IQCJ: variants seen among roughly 807,000 people sequenced by gnomAD.
IQCJ encodes the protein IQ motif containing J, also known as IQ domain-containing protein J.
IQCJ carries 9 observed loss-of-function variants against 11.0 expected under a neutral mutation model. The ratio of observed to expected loss-of-function variants is 0.82; its 90% CI spans 0.49 to 1.43. The LOEUF (loss-of-function observed/expected upper bound fraction) is 1.43. Among genes scored for constraint, IQCJ ranks in the 40% most tolerant of loss-of-function variants. The pLI is 0.00. For synonymous variants in IQCJ, 55 were observed against 51.3 expected (o/e 1.07, Z -0.31); for missense variants, 146 against 133.2 (o/e 1.10, Z -0.47).
At chr3:159,072,750 T>G (rs975192402) in intron 1 of IQCJ, among the ~76,000 whole-genome samples, 4 of 152,102 alleles carry the variant, frequency 2.6e-5, no homozygotes, top group African/African-American at 9.7e-5. Flanking sequence ...AATATCCACA[T>G]TCTACTGGTG....
At position 159,087,700 on chromosome 3, in the gene IQCJ, T is replaced by A. The variant is rs1163949462; in HGVS notation, c.9+18259T>A. On this transcript the variant is annotated intron_variant, in intron 1 of 3. Coordinates refer to ENST00000397832, the MANE Select transcript of IQCJ (RefSeq NM_001042706.3). Reference sequence around the variant, plus strand: ...ATTTCTTCTAGATTTTCTAGTTTATTTGCATAGCGGTGTTTGTAGTATTCT... The same window carrying A: ...ATTTCTTCTAGATTTTCTAGTTTATATGCATAGCGGTGTTTGTAGTATTCT... Among the ~76,000 whole-genome samples the A allele has an allele frequency of 2.1e-5, 3 of 146,024 alleles. No homozygotes were observed. The East Asian group carries it at 6.1e-4, about 30-fold the overall frequency.
Position 159,113,561 on chromosome 3 carries a change from G to A in IQCJ, c.9+44120G>A, listed in dbSNP as rs533856022. The stretch of plus-strand genomic sequence containing the variant: ...TTGTCCTTTGAGTTGCTTTATGTTC[G>A]TTTAATAAGCAATACTGAGTTCAAA... On this transcript the variant is annotated intron_variant, in intron 1 of 3. Transcript: ENST00000397832. Among the ~76,000 whole-genome samples the A allele has an allele frequency of 3.9e-5, 6 of 152,274 alleles. 1 individual carries two copies. The highest frequency in any genetic ancestry group is 9.6e-5 in the African/African-American group (4 of 41,558).
intron 1 of IQCJ, among the ~76,000 whole-genome samples, chr3:159,085,969 G>A (rs1716729560): frequency 6.6e-6 from 1 of 152,098 alleles, no homozygotes; most frequent in Admixed American, 6.5e-5. Context: ...TGCTTTTGGT[G>A]TTTTAGACAT....
chr3:159,255,243 C>A (rs986431241), intron 3 of IQCJ, among the ~76,000 whole-genome samples: 1 of 152,146 alleles, frequency 6.6e-6, no homozygotes, highest in Non-Finnish European at 1.5e-5. Flanking sequence ...ACCATAAAAT[C>A]CCCTCTCCTG....
At chr3:159,081,192 T>G (rs151216361) in intron 1 of IQCJ, among the ~76,000 whole-genome samples, 1 of 152,054 alleles carries the variant, frequency 6.6e-6, no homozygotes, top group East Asian at 1.9e-4. Flanking sequence ...AAGCTCTGAG[T>G]GCAACATCTT....
intron 1 of IQCJ, among the ~76,000 whole-genome samples, chr3:159,150,613 C>CACAT (rs1560004308): frequency 1.3e-5 from 2 of 151,578 alleles, no homozygotes; most frequent in African/African-American, 4.9e-5. Flanking sequence ...CACACACACA[C>CACAT]ACATATTCTG....
chr3:159,260,265 C>T (rs1050427693), intron 3 of IQCJ, among the ~76,000 whole-genome samples: 3 of 151,944 alleles, frequency 2.0e-5, no homozygotes, highest in Non-Finnish European at 4.4e-5. Context: ...CTCTGGTGTT[C>T]AACAAGCTAA....
At chr3:159,206,650 C>T (rs1361737730) in intron 1 of IQCJ, among the ~76,000 whole-genome samples, 1 of 152,146 alleles carries the variant, frequency 6.6e-6, no homozygotes, top group Non-Finnish European at 1.5e-5. Context: ...ATTCTACTAC[C>T]ACATTCCCTA....
intron 1 of IQCJ, among the ~76,000 whole-genome samples, chr3:159,102,204 T>G (rs1717976331): frequency 6.6e-6 from 1 of 152,236 alleles, no homozygotes; most frequent in South Asian, 2.1e-4. Flanking sequence ...AAGTCTGTAC[T>G]CTAATCTGAA....
At chr3:159,074,853 G>A (rs935254934) in intron 1 of IQCJ, among the ~76,000 whole-genome samples, 2 of 151,984 alleles carry the variant, frequency 1.3e-5, no homozygotes, top group East Asian at 3.9e-4. Context: ...ACCTGATCCT[G>A]CCCAGCAGAG....
At chr3:159,142,375 C>A (rs550075300) in intron 1 of IQCJ, among the ~76,000 whole-genome samples, 1 of 152,134 alleles carries the variant, frequency 6.6e-6, no homozygotes, top group African/African-American at 2.4e-5. Flanking sequence ...TGAGAAGCTG[C>A]GTTGTTCAGA....
intron 1 of IQCJ, among the ~76,000 whole-genome samples, chr3:159,235,212 C>T (rs528699111): frequency 1.3e-5 from 2 of 152,206 alleles, no homozygotes; most frequent in African/African-American, 2.4e-5. Context: ...GTGCCTATAC[C>T]TATATTTTGA....
intron 2 of IQCJ, among the ~76,000 whole-genome samples, chr3:159,252,423 T>C (rs2621293): frequency 0.48 from 73,622 of 151,996 alleles, 19,799 homozygotes; most frequent in Non-Finnish European, 0.62. Flanking sequence ...TTGTGTTTTT[T>C]CTCCCCCTGA....
At chr3:159,177,922 G>T (rs1722878587) in intron 1 of IQCJ, among the ~76,000 whole-genome samples, 1 of 152,120 alleles carries the variant, frequency 6.6e-6, no homozygotes, top group Non-Finnish European at 1.5e-5. Context: ...TTCACATTTG[G>T]GTGCCTACCC....
At chr3:159,118,409 G>A (rs757529603) in intron 1 of IQCJ, among the ~76,000 whole-genome samples, 1 of 152,148 alleles carries the variant, frequency 6.6e-6, no homozygotes, top group Non-Finnish European at 1.5e-5. Flanking sequence ...TGGCAAAAAC[G>A]ACCATGACCC....
intron 1 of IQCJ, among the ~76,000 whole-genome samples, chr3:159,094,111 A>C (rs1298632654): frequency 6.6e-6 from 1 of 151,800 alleles, no homozygotes; most frequent in African/African-American, 2.4e-5. Flanking sequence ...TTCTCTTGGC[A>C]ATGTCCAAAA....
chr3:159,249,124 G>A (rs912261884), intron 2 of IQCJ, among the ~76,000 whole-genome samples: 2 of 152,120 alleles, frequency 1.3e-5, no homozygotes, highest in Non-Finnish European at 1.5e-5. Flanking sequence ...CCAAAGTGCT[G>A]GGATTACAGA....
At chr3:159,242,189 T>C (rs1450108551) in intron 1 of IQCJ, among the ~76,000 whole-genome samples, 1 of 152,050 alleles carries the variant, frequency 6.6e-6, no homozygotes, top group Non-Finnish European at 1.5e-5. Context: ...GTCAGAGAGA[T>C]AGGTGGGGGT....
intron 1 of IQCJ, among the ~76,000 whole-genome samples, chr3:159,202,915 C>T (rs141258451): frequency 1.3e-5 from 2 of 152,228 alleles, no homozygotes; most frequent in East Asian, 3.9e-4. Flanking sequence ...CCACCTCAGT[C>T]AGCTTTCTTT....
Sources: allele counts gnomAD v4.1 joint callset (sites outside exome capture counted in the v4.1 genomes callset), GRCh38; gene constraint gnomAD v4.1.1; transcripts MANE v1.5; gene names NCBI Gene and HGNC (gene_info 2026-07-23, HGNC 2026-07-21).